Variants in ADAP1 observed in about 807,000 individuals in gnomAD.
ADAP1 encodes the protein arf-GAP with dual PH domain-containing protein 1.
ADAP1 carries 31 observed loss-of-function variants against 54.9 expected under a neutral mutation model. That is an observed-to-expected ratio of 0.56 (90% CI 0.42 to 0.76). The LOEUF is 0.76. Among genes scored for constraint, ADAP1 ranks in the 30% least tolerant of loss-of-function variants. The pLI, the probability that ADAP1 is intolerant of heterozygous loss-of-function variation, is 0.00. For missense variants in ADAP1, 535 were observed against 512.4 expected, an observed-to-expected ratio of 1.04 and a Z score of -0.42; for synonymous variants, 313 against 202.6, an observed-to-expected ratio of 1.55 and a Z score of -4.63.
At chr7:916,829 G>A (rs1015077781) in intron 4 of ADAP1, among the ~76,000 whole-genome samples, 1 of 152,120 alleles carries the variant, frequency 6.6e-6, no homozygotes, top group South Asian at 2.1e-4. Context: ...CCTGACCTGG[G>A]GAGGTGCCTT....
rs761072467 is a variant in ADAP1 at position 920,062 on chromosome 7, G to C, written c.306-12C>G. 1.2e-6 allele frequency: 2 copies of C among 1,603,982 alleles called. No individual in the cohort carries two copies. Among genetic ancestry groups the C allele is most frequent in the Admixed American group, 3.3e-5 (2 of 59,886 alleles). ...GCTCTCGAAGGAGCCTGTGGGGAGA[G>C]GAGAGACTGAGCCACTGGGCCAAGG... On this transcript the variant is annotated splice_polypyrimidine_tract_variant and intron_variant, in intron 3 of 10. Transcript: ENST00000265846. This position sits in a 1 kb window ranked among gnomAD's most constrained non-coding sequence, Gnocchi z 4.5.
At chr7:940,330 TCACACACACACACACACA>T (rs56715852) in intron 1 of ADAP1, among the ~76,000 whole-genome samples, 25 of 140,732 alleles carry the variant, frequency 1.8e-4, no homozygotes, top group East Asian at 1.1e-3. Flanking sequence ...ACAGACCCTG[TCACACACACACACACACA>T]CACACACACA....
At chr7:905,217 G>T (rs200640500) in intron 4 of ADAP1, 45 bp from the exon 5 acceptor site, 22 of 1,493,324 alleles carry the variant, frequency 1.5e-5, no homozygotes, top group Non-Finnish European at 1.8e-5. Flanking sequence ...GGATGGGGGG[G>T]AGGAAACAAA....
At position 905,273 on chromosome 7, in the gene ADAP1, GGGGGACACGGAC is replaced by G. The variant is rs368908038; in HGVS notation, c.389-113_389-102del. The G allele has an allele frequency of 9.2e-3, 4,688 of 510,034 alleles. 295 individuals are homozygous for G. The African/African-American group carries it at 0.12, about 13-fold the overall frequency. 31.6% of individuals were successfully genotyped at this position (510,034 alleles called of 1,614,324 possible). ...CAGAGGGGACATGGGGAGAAGACAC[GGGGGACACGGAC>G]GGGGGACACGGACAGGGGGAGACGG... On this transcript the variant is annotated intron_variant, in intron 4 of 10. Transcript: ENST00000265846.
intron 6 of ADAP1, chr7:901,243 C>T: frequency 2.8e-6 from 1 of 354,136 alleles, no homozygotes; most frequent in Non-Finnish European, 5.5e-6. Flanking sequence ...GTCTAGACTT[C>T]AGCCTGGCTG....
chr7:955,147 G>C (rs1404403371), upstream of ADAP1: 4 of 670,156 alleles, frequency 6.0e-6, no homozygotes, highest in Non-Finnish European at 7.8e-6. Context: ...GGGCCCAGAC[G>C]GAGCCTCCCC....
chr7:904,162 G>A lies in ADAP1; in HGVS notation c.612C>T (p.Ser204=). ...GLQVTYLKDN[S]TRNIFIYHED... ...CATGGTAGATGAAGATGTTACGGGT[G>A]CTGTTGTCCTTCAGGTAGGTGACCT... The change falls in exon 6 of 11, where the codon AGC becomes AGT. Residue 204 remains serine, a synonymous_variant. Transcript: ENST00000265846. 1 of 1,612,656 alleles carries A rather than the reference G, an allele frequency of 6.2e-7. No homozygotes were observed. Among genetic ancestry groups the A allele is most frequent in the East Asian group, 2.2e-5 (1 of 44,868 alleles).
chr7:922,165 G>A (rs1044149126), intron 3 of ADAP1, among the ~76,000 whole-genome samples: 7 of 152,164 alleles, frequency 4.6e-5, no homozygotes, highest in African/African-American at 1.4e-4. Context: ...ACCCCACGTG[G>A]TCACGAGGAG....
At chr7:947,220 T>C (rs1583189756) in intron 1 of ADAP1, among the ~76,000 whole-genome samples, 1 of 145,622 alleles carries the variant, frequency 6.9e-6, no homozygotes, top group Admixed American at 6.8e-5. Flanking sequence ...TTTGGTTTTT[T>C]TTTTTTTTTT....
At chr7:912,566 C>T (rs765623501) in intron 4 of ADAP1, among the ~76,000 whole-genome samples, 8 of 152,210 alleles carry the variant, frequency 5.3e-5, no homozygotes, top group South Asian at 2.1e-4. Context: ...CGCTACGCAC[C>T]GACACCAAGG....
chr7:929,584 G>T (rs1846501069), intron 2 of ADAP1, among the ~76,000 whole-genome samples: 1 of 151,204 alleles, frequency 6.6e-6, no homozygotes, highest in Non-Finnish European at 1.5e-5. Context: ...TTCAGAACAA[G>T]CAAATCCACA....
intron 1 of ADAP1, among the ~76,000 whole-genome samples, chr7:952,413 G>A (rs1030918194): frequency 5.9e-5 from 9 of 152,188 alleles, no homozygotes; most frequent in South Asian, 4.1e-4. Context: ...AGAACGTGCC[G>A]GCCACCCCAG....
At chr7:903,841 G>C (rs1002604894) in intron 6 of ADAP1, 34 of 355,554 alleles carry the variant, frequency 9.6e-5, no homozygotes, top group Non-Finnish European at 7.8e-5. Context: ...GGCCAAGCTG[G>C]GTGGCCCCAG....
intron 1 of ADAP1, among the ~76,000 whole-genome samples, chr7:953,883 A>AGGTGCAGGGAGCCG (rs1847325671): frequency 6.6e-6 from 1 of 151,932 alleles, no homozygotes; most frequent in African/African-American, 2.4e-5. Flanking sequence ...CGGAGCAGCC[A>AGGTGCAGGGAGCCG]GGTGCAGGGA....
chr7:948,373 G>A (rs6952546), intron 1 of ADAP1, among the ~76,000 whole-genome samples: 18,236 of 151,988 alleles, frequency 0.12, 1,285 homozygotes, highest in Middle Eastern at 0.2. Context: ...AGCGCTCCAT[G>A]GTGGCCCGAG....
At chr7:900,775 G>A in intron 6 of ADAP1, 159 bp from the exon 7 acceptor site, 2 of 679,716 alleles carry the variant, frequency 2.9e-6, no homozygotes, top group Non-Finnish European at 5.2e-6. Flanking sequence ...CGCAGGCCTG[G>A]CCCCTGTGCC....
intron 3 of ADAP1, among the ~76,000 whole-genome samples, chr7:924,016 G>A (rs117558253): frequency 0.084 from 12,188 of 145,666 alleles, 650 homozygotes; most frequent in Middle Eastern, 0.15. Flanking sequence ...GGCACCCCCC[G>A]CCCTCCAGGT....
At chr7:931,073 G>GGGAAGGAAGGAC (rs763757699) in intron 2 of ADAP1, among the ~76,000 whole-genome samples, 2 of 150,818 alleles carry the variant, frequency 1.3e-5, no homozygotes, top group Non-Finnish European at 3.0e-5. Flanking sequence ...GAAGGCAGGA[G>GGGAAGGAAGGAC]GGAAGGAAGG....
intron 4 of ADAP1, among the ~76,000 whole-genome samples, chr7:913,797 T>G: frequency 6.6e-6 from 1 of 151,918 alleles, no homozygotes; most frequent in East Asian, 1.9e-4. Context: ...TAGCCGGGCG[T>G]GGTGGGGGGC....
Sources: gnomAD v4.1 joint callset for allele counts (sites outside exome capture counted in the v4.1 genomes callset) on GRCh38, gnomAD v4.1.1 for gene constraint, Gnocchi (gnomAD v3.1) non-coding constraint, MANE v1.5 for transcripts, NCBI Gene and HGNC (gene_info 2026-07-23, HGNC 2026-07-21) for gene names.